ADGRL2: variants seen among roughly 807,000 people sequenced by gnomAD.
ADGRL2 encodes calcium-independent alpha-latrotoxin receptor 2.
ADGRL2 carries 44 observed loss-of-function variants against 157.4 expected under a neutral mutation model. That is an observed-to-expected ratio of 0.28 (90% CI 0.22 to 0.36). The LOEUF (loss-of-function observed/expected upper bound fraction) is 0.36, where lower values mean the gene tolerates loss of function less well. ADGRL2 is among the 10% of genes least tolerant of loss of function. The pLI is 1.00. For synonymous variants in ADGRL2, 585 were observed against 624.7 expected (o/e 0.94, Z 0.95); for missense variants, 1,510 against 1,768.9 (o/e 0.85, Z 2.63).
intron 10 of ADGRL2, among the ~76,000 whole-genome samples, chr1:81,955,498 A>G (rs1653200728): frequency 6.6e-6 from 1 of 152,154 alleles, no homozygotes; most frequent in Non-Finnish European, 1.5e-5. Context: ...AGAATATTCA[A>G]GTTTTGAGAT....
chr1:81,810,564 T>C lies in ADGRL2; in HGVS notation c.-101+9496T>C, dbSNP rs186429003. 1.5e-3 allele frequency among the ~76,000 whole-genome samples: 223 copies of C among 152,042 alleles called. 1 individual carries two copies. In the Middle Eastern group the frequency reaches 0.017, roughly 12 times the overall value. On this transcript the variant is annotated intron_variant, in intron 1 of 23. Transcript: ENST00000686636. ...CTTTGTGTTCTTAATGTCAGGATGC[T>C]TATGGCGTATTTTAGTTCTTACAAT...
intron 2 of ADGRL2, chr1:81,505,024 G>T: frequency 2.6e-6 from 1 of 386,356 alleles, no homozygotes; most frequent in Non-Finnish European, 4.9e-6. Flanking sequence ...CTGTGGCAGT[G>T]GGAGACACCG....
chr1:81,459,037 G>C (rs1461281919), intron 2 of ADGRL2, among the ~76,000 whole-genome samples: 5 of 152,174 alleles, frequency 3.3e-5, no homozygotes, highest in Admixed American at 6.5e-5. Flanking sequence ...CTCTGTGTGA[G>C]AGGGGACCCA....
intron 2 of ADGRL2, among the ~76,000 whole-genome samples, chr1:81,870,207 A>G (rs543694839): frequency 6.6e-5 from 1 of 15,262 alleles, no homozygotes; most frequent in South Asian, 4.8e-3. Context: ...GAAATAGATG[A>G]TTTGCAAACA....
At chr1:81,702,574 A>T (rs2083607777) in intron 1 of ADGRL2, among the ~76,000 whole-genome samples, 1 of 152,230 alleles carries the variant, frequency 6.6e-6, no homozygotes, top group African/African-American at 2.4e-5. Context: ...AATTGCAAGT[A>T]CCCTGAGCTC....
chr1:81,575,533 A>G (rs2080781506), intron 2 of ADGRL2, among the ~76,000 whole-genome samples: 1 of 152,162 alleles, frequency 6.6e-6, no homozygotes, highest in African/African-American at 2.4e-5. Flanking sequence ...AATTAGGAGC[A>G]AGGGCTAATT....
intron 6 of ADGRL2, among the ~76,000 whole-genome samples, chr1:81,946,990 T>C (rs1650091980): frequency 6.6e-6 from 1 of 152,162 alleles, no homozygotes; most frequent in Non-Finnish European, 1.5e-5. Context: ...CAGAGTAAAC[T>C]GAACCATTCT....
chr1:81,826,798 T>G (rs1336454684), intron 1 of ADGRL2, among the ~76,000 whole-genome samples: 1 of 152,118 alleles, frequency 6.6e-6, no homozygotes, highest in Non-Finnish European at 1.5e-5. Context: ...TTTACAGTAA[T>G]CCACTTCACT....
At chr1:81,521,863 T>A (rs1207205589) in intron 2 of ADGRL2, among the ~76,000 whole-genome samples, 1 of 152,340 alleles carries the variant, frequency 6.6e-6, no homozygotes, top group East Asian at 1.9e-4. Context: ...TTCTCCTGTG[T>A]GTATTAACCT....
intron 1 of ADGRL2, among the ~76,000 whole-genome samples, chr1:81,353,781 G>C (rs1663084694): frequency 1.3e-5 from 2 of 152,198 alleles, no homozygotes; most frequent in Non-Finnish European, 2.9e-5. Context: ...GTGTGAACGT[G>C]TCAAGGATGC....
At chr1:81,765,072 A>C (rs1019572924) in intron 2 of ADGRL2, among the ~76,000 whole-genome samples, 1 of 151,964 alleles carries the variant, frequency 6.6e-6, no homozygotes, top group Non-Finnish European at 1.5e-5. Flanking sequence ...TGTACCAAAA[A>C]ATTTAACCTT....
At chr1:81,828,669 A>G (rs2091697940) in intron 1 of ADGRL2, among the ~76,000 whole-genome samples, 1 of 152,162 alleles carries the variant, frequency 6.6e-6, no homozygotes, top group Non-Finnish European at 1.5e-5. Flanking sequence ...AAATTTTAAT[A>G]GGTTATAAAA....
intron 3 of ADGRL2, among the ~76,000 whole-genome samples, chr1:81,679,067 CAA>C (rs2083054012): frequency 6.6e-6 from 1 of 152,160 alleles, no homozygotes; most frequent in African/African-American, 2.4e-5. Flanking sequence ...CTCTAAATTA[CAA>C]AAGACAGATG....
In ADGRL2 at chr1:81,506,714, GAACAA is replaced by G. The variant is rs201035324; in HGVS notation, c.-248+61663_-248+61667del. On this transcript the variant is annotated intron_variant, in intron 2 of 24. Coordinates refer to the ADGRL2 transcript ENST00000370721. ...GACTGAGTGAGACCCAGTCTCAAAA[GAACAA>G]AACAAAACAAAACAAAACAAAACAA... 8.5e-3 allele frequency among the ~76,000 whole-genome samples: 1,189 copies of G among 140,316 alleles called. 10 individuals are homozygous for G. The highest frequency in any genetic ancestry group is 0.027 in the East Asian group (120 of 4,518). The allele number at this position is 140,316 out of a possible 152,430, so 92.1% of individuals were successfully genotyped here. A position where few individuals can be genotyped will look rare whatever the true frequency, so the allele number is the denominator to read the frequency against.
chr1:81,336,006 C>A (rs1661616955), intron 1 of ADGRL2, among the ~76,000 whole-genome samples: 1 of 152,180 alleles, frequency 6.6e-6, no homozygotes. Flanking sequence ...TTCAGCAATT[C>A]CCTGTTTTAA....
chr1:81,839,655 T>G (rs1359254279), intron 2 of ADGRL2, among the ~76,000 whole-genome samples: 1 of 151,646 alleles, frequency 6.6e-6, no homozygotes, highest in Admixed American at 6.6e-5. Context: ...CCTGAGTTAC[T>G]TCACTTAGAA....
intron 1 of ADGRL2, among the ~76,000 whole-genome samples, chr1:81,833,698 C>T (rs1037152399): frequency 6.6e-6 from 1 of 152,034 alleles, no homozygotes; most frequent in Non-Finnish European, 1.5e-5. Context: ...GTTTTAGGCG[C>T]GGGATATTTA....
chr1:81,428,066 G>A (rs2077250920), intron 1 of ADGRL2, among the ~76,000 whole-genome samples: 1 of 152,164 alleles, frequency 6.6e-6, no homozygotes, highest in Non-Finnish European at 1.5e-5. Context: ...GTGTTTCCTT[G>A]TGAGTTAACA....
At chr1:81,903,824 C>T (rs1013480834) in intron 2 of ADGRL2, among the ~76,000 whole-genome samples, 3 of 148,330 alleles carry the variant, frequency 2.0e-5, no homozygotes, top group South Asian at 2.1e-4. Context: ...CACACACACA[C>T]ACACACACAC....
Sources: gnomAD v4.1 joint callset for allele counts (sites outside exome capture counted in the v4.1 genomes callset) on GRCh38, gnomAD v4.1.1 for gene constraint, MANE v1.5 for transcripts, NCBI Gene and HGNC (gene_info 2026-07-23, HGNC 2026-07-21) for gene names.